Variants in ZMYND15 observed in about 807,000 individuals in gnomAD.
The protein encoded by ZMYND15 is zinc finger MYND-type containing 15.
Under a neutral mutation model 81.7 loss-of-function variants are expected in ZMYND15, and 54 were observed. That is an observed-to-expected ratio of 0.66 (90% CI 0.53 to 0.83). The LOEUF is 0.83. ZMYND15 is among the 40% of genes least tolerant of loss of function. The probability of loss-of-function intolerance (pLI) is 0.00; values close to 1 mark genes in which losing one functional copy is unlikely to be tolerated. For synonymous variants in ZMYND15, 399 were observed against 387.0 expected (o/e 1.03, Z -0.36); for missense variants, 925 against 973.5 (o/e 0.95, Z 0.66).
intron 1 of ZMYND15, chr17:4,740,285 C>T (rs985544272): frequency 7.0e-6 from 5 of 710,574 alleles, no homozygotes; most frequent in Non-Finnish European, 9.8e-6. Context: ...CAAATACCAT[C>T]TCATCCCTGA....
At chr17:4,742,226 A>G (rs1916460422) in intron 4 of ZMYND15, 105 bp from the exon 5 acceptor site, 1 of 1,544,948 alleles carries the variant, frequency 6.5e-7, no homozygotes, top group Non-Finnish European at 8.8e-7. Context: ...TAGAGGGTGT[A>G]AGACAAACAG....
Position 4,745,142 on chromosome 17 carries a change from C to G in ZMYND15, c.1897-73C>G. The G allele has an allele frequency of 6.2e-7, 1 of 1,609,984 alleles. No homozygotes were observed. The highest frequency in any genetic ancestry group is 1.3e-5 in the African/African-American group (1 of 74,970). ...TCTGTCCGGGGACCTCGGCTTTCAGCCCGGTCTGTCATTCTGGCTGCTGGG... is the reference window on the plus strand; with the variant it reads ...TCTGTCCGGGGACCTCGGCTTTCAGGCCGGTCTGTCATTCTGGCTGCTGGG... On this transcript the variant is annotated intron_variant, in intron 12 of 13. Transcript: ENST00000433935. The surrounding 1 kb of genome is among the most constrained non-coding windows in gnomAD (Gnocchi z 5.2).
rs146977234 is a variant in ZMYND15, at chr17:4,741,807, G to C, written c.818G>C (p.Arg273Pro). ...KPRQLTVGDA[R>P]LHRELESLVP... The stretch of plus-strand genomic sequence containing the variant: ...CGACAGCTTACTGTGGGAGATGCCC[G>C]GCTGCATCGGTATAGAAATCTGGTA... The change falls in exon 3 of 14, where the codon CGG becomes CCG. Residue 273 changes from arginine to proline, a missense_variant. Coordinates refer to ENST00000433935, the MANE Select transcript of ZMYND15 (RefSeq NM_001136046.3). 8.3e-6 allele frequency: 13 copies of C among 1,573,430 alleles called. No homozygotes were observed. The highest frequency in any genetic ancestry group is 1.1e-5 in the Non-Finnish European group (13 of 1,158,332).
At position 4,740,534 on chromosome 17, in the gene ZMYND15, T is replaced by C; in HGVS notation, c.-15T>C. 1 of 1,574,448 alleles carries C rather than the reference T, an allele frequency of 6.4e-7. No homozygotes were observed. The highest frequency in any genetic ancestry group is 8.6e-7 in the Non-Finnish European group (1 of 1,156,118). ...TTTTGCTCAGTCTGGGCCGGGGCCC[T>C]GTGCCGCTGAAGACATGGAGTTTGT... is the stretch of plus-strand genomic sequence containing the variant. On this transcript the variant is annotated 5_prime_UTR_variant, in exon 2 of 14. Transcript: ENST00000433935.
chr17:4,743,986 G>A lies in ZMYND15; in HGVS notation c.1379-5G>A. 2 of 1,554,338 alleles carry A rather than the reference G, an allele frequency of 1.3e-6. No homozygotes were observed. Among genetic ancestry groups the A allele is most frequent in the Middle Eastern group, 1.7e-4 (1 of 5,970 alleles). On this transcript the variant is annotated splice_region_variant and splice_polypyrimidine_tract_variant and intron_variant, in intron 7 of 13. Coordinates refer to ENST00000433935, the MANE Select transcript of ZMYND15 (RefSeq NM_001136046.3). This position sits in a 1 kb window ranked among gnomAD's most constrained non-coding sequence, Gnocchi z 4.3. ...CCAGGTCCTCTAGCAACCCTCTCCTGCCAGGCTCATGGCAGGATTACTACA... is the reference window on the plus strand; with the variant it reads ...CCAGGTCCTCTAGCAACCCTCTCCTACCAGGCTCATGGCAGGATTACTACA...
At position 4,740,530 on chromosome 17, in the gene ZMYND15, G is replaced by C; in HGVS notation, c.-19G>C. On this transcript the variant is annotated 5_prime_UTR_variant, in exon 2 of 14. Transcript: ENST00000433935. Reference sequence around the variant, plus strand: ...CTTCTTTTGCTCAGTCTGGGCCGGGGCCCTGTGCCGCTGAAGACATGGAGT... The same window carrying C: ...CTTCTTTTGCTCAGTCTGGGCCGGGCCCCTGTGCCGCTGAAGACATGGAGT... The C allele has an allele frequency of 1.3e-6, 2 of 1,571,934 alleles. No homozygotes were observed. The highest frequency in any genetic ancestry group is 1.7e-6 in the Non-Finnish European group (2 of 1,154,882).
Position 4,746,007 on chromosome 17 carries a change from A to G in ZMYND15, c.*17A>G. ...CGGAAATGAATGCTGATACCCTAGT[A>G]GTCCCCAGCTCCCAAACACTGAAAG... On this transcript the variant is annotated 3_prime_UTR_variant, in exon 14 of 14. Transcript: ENST00000433935. The G allele has an allele frequency of 7.0e-7, 1 of 1,419,754 alleles. No homozygotes were observed. The highest frequency in any genetic ancestry group is 1.6e-5 in the South Asian group (1 of 64,216). The allele number at this position is 1,419,754 out of a possible 1,614,324, so 87.9% of individuals were successfully genotyped here.
rs2150629654 is a variant in ZMYND15, at chr17:4,743,587, T to C, written c.1297+132T>C. ...AACAGCACCAGGGCCATTTCAGGCC[T>C]TTCCCAGCCCTCAATGGAATCACCC... On this transcript the variant is annotated intron_variant, in intron 6 of 13. Transcript: ENST00000433935. This position sits in a 1 kb window ranked among gnomAD's most constrained non-coding sequence, Gnocchi z 4.3. The C allele has an allele frequency of 3.6e-6, 5 of 1,406,934 alleles. 1 individual carries two copies. The Admixed American group carries it at 1.1e-4, about 31-fold the overall frequency. The allele number at this position is 1,406,934 out of a possible 1,614,324, so 87.2% of individuals were successfully genotyped here. A position where few individuals can be genotyped will look rare whatever the true frequency, so the allele number is the denominator to read the frequency against.
chr17:4,744,885 T>G lies in ZMYND15; in HGVS notation c.1853T>G (p.Phe618Cys), dbSNP rs780236949. 2 of 1,614,034 alleles carry G rather than the reference T, an allele frequency of 1.2e-6. No individual in the cohort carries two copies. Among genetic ancestry groups the G allele is most frequent in the East Asian group, 4.5e-5 (2 of 44,866 alleles). The change falls in exon 12 of 14, where the codon TTT becomes TGT. Residue 618 changes from phenylalanine to cysteine, a missense_variant. By Grantham distance (205) the Phe-to-Cys change is radical. Transcript: ENST00000433935. This position sits in a 1 kb window ranked among gnomAD's most constrained non-coding sequence, Gnocchi z 4.1. ...PDLVIGFNSG[F>C]ALKDTWLRSL... ...CTGTCTGCAGGATTTAACTCCGGGT[T>G]TGCTCTCAAGGATACGTGGCTGAGG... is the stretch of plus-strand genomic sequence containing the variant.
At position 4,745,758 on chromosome 17, in the gene ZMYND15, G is replaced by GGAGCCCCGACCCCTGC; in HGVS notation, c.2058-57_2058-56insCCCGACCCCTGCGAGC. On this transcript the variant is annotated intron_variant, in intron 13 of 13. Coordinates refer to ENST00000433935, the MANE Select transcript of ZMYND15 (RefSeq NM_001136046.3). This position sits in a 1 kb window ranked among gnomAD's most constrained non-coding sequence, Gnocchi z 5.2. ...GCGCCCCTGGGAGCCCCGACCCCTGGGAGCGCCGACCCCTGGGAGTCCCGC... is the reference window on the plus strand; with the variant it reads ...GCGCCCCTGGGAGCCCCGACCCCTGGGAGCCCCGACCCCTGCGAGCGCCGACCCCTGGGAGTCCCGC... 1.4e-6 allele frequency: 2 copies of GGAGCCCCGACCCCTGC among 1,433,716 alleles called. No individual in the cohort carries two copies. Among genetic ancestry groups the GGAGCCCCGACCCCTGC allele is most frequent in the Non-Finnish European group, 1.9e-6 (2 of 1,065,118 alleles). 88.8% of individuals were successfully genotyped at this position (1,433,716 alleles called of 1,614,324 possible).
In ZMYND15 at chr17:4,745,734, C is replaced by A; in HGVS notation, c.2058-85C>A. On this transcript the variant is annotated intron_variant, in intron 13 of 13. Coordinates refer to ENST00000433935, the MANE Select transcript of ZMYND15 (RefSeq NM_001136046.3). This position sits in a 1 kb window ranked among gnomAD's most constrained non-coding sequence, Gnocchi z 5.2. ...AGCCCCGCCCCCTGGTCCCTGACCG[C>A]GCCCCTGGGAGCCCCGACCCCTGGG... 1 of 677,414 alleles carries A rather than the reference C, an allele frequency of 1.5e-6. No individual in the cohort carries two copies. Among genetic ancestry groups the A allele is most frequent in the Admixed American group, 3.7e-5 (1 of 27,386 alleles). 42.0% of individuals were successfully genotyped at this position (677,414 alleles called of 1,614,324 possible).
chr17:4,744,021 G>A lies in ZMYND15; in HGVS notation c.1409G>A (p.Gly470Asp), dbSNP rs1352489347. 1.3e-6 allele frequency: 2 copies of A among 1,553,184 alleles called. No homozygotes were observed. The highest frequency in any genetic ancestry group is 1.7e-4 in the Middle Eastern group (1 of 5,986). Residue 470 changes from glycine (G) to aspartate (D), a missense_variant, in exon 8 of 14, where the codon GGC becomes GAC. Physicochemically the swap from Gly to Asp is moderately conservative, Grantham distance 94 (BLOSUM62 -1). Coordinates refer to ENST00000433935, the MANE Select transcript of ZMYND15 (RefSeq NM_001136046.3). This position sits in a 1 kb window ranked among gnomAD's most constrained non-coding sequence, Gnocchi z 4.1. Reference protein sequence around the residue: ...GSWQDYYTWRGLSLDSPIAVL... With the variant: ...GSWQDYYTWRDLSLDSPIAVL... The stretch of plus-strand genomic sequence containing the variant: ...TGGCAGGATTACTACACATGGCGGG[G>A]CCTCAGCTTGGACTCCCCCATAGCC...
chr17:4,743,238 CAAA>C lies in ZMYND15; in HGVS notation c.1145-54_1145-52del. On this transcript the variant is annotated intron_variant, in intron 5 of 13. Transcript: ENST00000433935. The surrounding 1 kb of genome is among the most constrained non-coding windows in gnomAD (Gnocchi z 4.3). Reference sequence around the variant, plus strand: ...TGGGTGATAGAGCAAGACTCTGTCTCAAAAAAAAAAAAATGTCTGGGGTTCTAG... The same window carrying C: ...TGGGTGATAGAGCAAGACTCTGTCTCAAAAAAAAAATGTCTGGGGTTCTAG... 2.2e-6 allele frequency: 3 copies of C among 1,384,628 alleles called. No homozygotes were observed. Among genetic ancestry groups the C allele is most frequent in the African/African-American group, 1.5e-5 (1 of 64,800 alleles). The allele number at this position is 1,384,628 out of a possible 1,614,324, so 85.8% of individuals were successfully genotyped here.
chr17:4,745,762 C>CCCCGACCCCTGGGA lies in ZMYND15; in HGVS notation c.2058-57_2058-56insCCCGACCCCTGGGA. On this transcript the variant is annotated intron_variant, in intron 13 of 13. Transcript: ENST00000433935. This position sits in a 1 kb window ranked among gnomAD's most constrained non-coding sequence, Gnocchi z 5.2. Reference sequence around the variant, plus strand: ...CCCTGGGAGCCCCGACCCCTGGGAGCGCCGACCCCTGGGAGTCCCGCCCCG... The same window carrying CCCCGACCCCTGGGA: ...CCCTGGGAGCCCCGACCCCTGGGAGCCCCGACCCCTGGGAGCCGACCCCTGGGAGTCCCGCCCCG... The CCCCGACCCCTGGGA allele has an allele frequency of 1.4e-6, 2 of 1,449,696 alleles. No homozygotes were observed. Among genetic ancestry groups the CCCCGACCCCTGGGA allele is most frequent in the Non-Finnish European group, 1.9e-6 (2 of 1,078,172 alleles). The allele number at this position is 1,449,696 out of a possible 1,614,324, so 89.8% of individuals were successfully genotyped here. A position where few individuals can be genotyped will look rare whatever the true frequency, so the allele number is the denominator to read the frequency against.
At position 4,744,090 on chromosome 17, in the gene ZMYND15, A is replaced by C; in HGVS notation, c.1478A>C (p.His493Pro). The C allele has an allele frequency of 6.3e-7, 1 of 1,587,464 alleles. No individual in the cohort carries two copies. Among genetic ancestry groups the C allele is most frequent in the Non-Finnish European group, 8.6e-7 (1 of 1,166,608 alleles). ...CTGACCGTGTACTACGTCATCACCC[A>C]CCTGGTGCCCCAGTCCTGTAAGGAG... is the stretch of plus-strand genomic sequence containing the variant. ...YPLTVYYVIT[H>P]LVPQSFPELN... Residue 493 changes from histidine to proline, a missense_variant, in exon 8 of 14, where the codon CAC becomes CCC. By Grantham distance (77) the His-to-Pro change is moderately conservative. Coordinates refer to ENST00000433935, the MANE Select transcript of ZMYND15 (RefSeq NM_001136046.3). The surrounding 1 kb of genome is among the most constrained non-coding windows in gnomAD (Gnocchi z 4.1).
At position 4,742,076 on chromosome 17, in the gene ZMYND15, C is replaced by G; in HGVS notation, c.983+6C>G. ...GAAGCGAAGCTGACACCTTGGTGAG[C>G]AGCCCCAAAGCTGGGGGAGAGGAAG... On this transcript the variant is annotated splice_donor_region_variant and intron_variant, in intron 4 of 13. Coordinates refer to ENST00000433935, the MANE Select transcript of ZMYND15 (RefSeq NM_001136046.3). 1 of 1,613,940 alleles carries G rather than the reference C, an allele frequency of 6.2e-7. No individual in the cohort carries two copies. The highest frequency in any genetic ancestry group is 8.5e-7 in the Non-Finnish European group (1 of 1,179,902).
At chr17:4,741,852 C>G (rs776045358) in intron 3 of ZMYND15, 36 bp downstream of exon 3, 1 of 1,585,508 alleles carries the variant, frequency 6.3e-7, no homozygotes, top group African/African-American at 1.3e-5. Context: ...GGGGAGGACT[C>G]GGGCCCTGGA....
chr17:4,744,422 T>C lies in ZMYND15; in HGVS notation c.1638T>C (p.Asp546=), dbSNP rs773596618. The change falls in exon 10 of 14, where the codon GAT becomes GAC. Residue 546 remains aspartate (D), a synonymous_variant. Coordinates refer to ENST00000433935, the MANE Select transcript of ZMYND15 (RefSeq NM_001136046.3). This position sits in a 1 kb window ranked among gnomAD's most constrained non-coding sequence, Gnocchi z 4.1. The part of the protein sequence containing the change: ...HVALELQFVG[D]GLPPESDEQH... ...CCCTGGAGCTGCAGTTTGTAGGTGATGGCCTGCCCCCCGAAAGCGACGAGC... is the reference window on the plus strand; with the variant it reads ...CCCTGGAGCTGCAGTTTGTAGGTGACGGCCTGCCCCCCGAAAGCGACGAGC... 3 of 1,614,154 alleles carry C rather than the reference T, an allele frequency of 1.9e-6. No individual in the cohort carries two copies. The highest frequency in any genetic ancestry group is 4.5e-5 in the East Asian group (2 of 44,878).
chr17:4,742,029 T>C lies in ZMYND15; in HGVS notation c.942T>C (p.His314=), dbSNP rs3826517. 0.41 allele frequency: 657,130 copies of C among 1,613,940 alleles called. 141,283 individuals are homozygous for C. Among genetic ancestry groups the C allele is most frequent in the Non-Finnish European group, 0.44 (520,650 of 1,179,964 alleles). ...CTTCCCTTCGTGCTCGAACCTGCCA[T>C]GTGTGTCACAGGCACAGCTTTGAAG... ...TFASLRARTC[H]VCHRHSFEAK... is the part of the protein sequence containing the mutation. The change falls in exon 4 of 14, where the codon CAT becomes CAC. Residue 314 remains histidine (H), a synonymous_variant. Coordinates refer to ENST00000433935, the MANE Select transcript of ZMYND15 (RefSeq NM_001136046.3).
Sources: gnomAD v4.1 joint callset for allele counts on GRCh38, gnomAD v4.1.1 for gene constraint, Gnocchi (gnomAD v3.1) non-coding constraint, MANE v1.5 for transcripts, NCBI Gene and HGNC (gene_info 2026-07-23, HGNC 2026-07-21) for gene names.